DTNA: variants seen among roughly 807,000 people sequenced by gnomAD.
The protein encoded by DTNA is dystrobrevin alpha.
In DTNA, 43 loss-of-function variants were observed where a neutral mutation model predicts 100.7. That is an observed-to-expected ratio of 0.43 (90% CI 0.33 to 0.55). The LOEUF is 0.55. Ranked by LOEUF, DTNA falls within the 20% of genes least tolerant of loss-of-function variation. The probability of loss-of-function intolerance (pLI) is 0.04; values close to 1 mark genes in which losing one functional copy is unlikely to be tolerated. For synonymous variants in DTNA, 349 were observed against 347.9 expected, an observed-to-expected ratio of 1.00 and a Z score of -0.04; for missense variants, 798 against 953.9, an observed-to-expected ratio of 0.84 and a Z score of 2.15.
chr18:34,879,942 A>T (rs1469013841), intron 20 of DTNA, among the ~76,000 whole-genome samples: 3 of 152,176 alleles, frequency 2.0e-5, no homozygotes, highest in Admixed American at 1.3e-4. Context: ...TAAACCAACC[A>T]GTGCCTATCA....
At chr18:34,677,841 T>C (rs559582314) in intron 1 of DTNA, among the ~76,000 whole-genome samples, 8 of 152,248 alleles carry the variant, frequency 5.3e-5, no homozygotes, top group Non-Finnish European at 1.2e-4. Flanking sequence ...CACAGAACAG[T>C]GGTTAATTGT....
intron 1 of DTNA, among the ~76,000 whole-genome samples, chr18:34,641,071 T>C (rs2059222440): frequency 6.6e-6 from 1 of 152,120 alleles, no homozygotes; most frequent in African/African-American, 2.4e-5. Context: ...ATGTTGCTAC[T>C]AGTAAAAATA....
At chr18:34,835,352 C>T (rs779141874) in intron 11 of DTNA, among the ~76,000 whole-genome samples, 49 of 152,072 alleles carry the variant, frequency 3.2e-4, no homozygotes, top group Non-Finnish European at 5.7e-4. Flanking sequence ...GGGAAAGGAA[C>T]GGAAGATAAA....
chr18:34,705,991 A>G (rs2082061923), upstream of DTNA, among the ~76,000 whole-genome samples: 1 of 152,168 alleles, frequency 6.6e-6, no homozygotes, highest in African/African-American at 2.4e-5. Context: ...CTTGTTTCCC[A>G]GGCTAGAGTG....
intron 3 of DTNA, among the ~76,000 whole-genome samples, chr18:34,771,550 G>C (rs750708498): frequency 6.6e-6 from 1 of 152,040 alleles, no homozygotes; most frequent in Non-Finnish European, 1.5e-5. Context: ...GAGTCAAAGG[G>C]TTCTCCTTTC....
chr18:34,765,876 T>C, intron 2 of DTNA, 85 bp from the exon 3 acceptor site: 1 of 1,300,666 alleles, frequency 7.7e-7, no homozygotes. Flanking sequence ...GTAAGGATCA[T>C]ATCTACAGTT....
chr18:34,787,595 C>T (rs1209423715), intron 3 of DTNA, among the ~76,000 whole-genome samples: 1 of 152,108 alleles, frequency 6.6e-6, no homozygotes, highest in Admixed American at 6.5e-5. Flanking sequence ...CTAGGTTTGT[C>T]ATTTTAGCAC....
chr18:34,667,884 T>C (rs2076166965), intron 1 of DTNA, among the ~76,000 whole-genome samples: 1 of 152,210 alleles, frequency 6.6e-6, no homozygotes, highest in East Asian at 1.9e-4. Flanking sequence ...TCTAAAATTC[T>C]CTTTTTTTTG....
intron 1 of DTNA, among the ~76,000 whole-genome samples, chr18:34,605,240 G>A (rs556913003): frequency 5.9e-5 from 9 of 151,958 alleles, no homozygotes; most frequent in Non-Finnish European, 1.0e-4. Context: ...GGTGGTCTTT[G>A]AGGGTTTAGA....
At chr18:34,794,285 T>A (rs761774114) in intron 4 of DTNA, 35 bp downstream of exon 4, 1 of 1,613,040 alleles carries the variant, frequency 6.2e-7, no homozygotes, top group South Asian at 1.1e-5. Flanking sequence ...CCTCTCTACA[T>A]GTTTGGCTTT....
chr18:34,493,878 G>A (rs550623121), intron 1 of DTNA: 1 of 148,130 alleles, frequency 6.8e-6, no homozygotes, highest in South Asian at 2.1e-4. Flanking sequence ...GGCGCCGGCC[G>A]CGGCTAGCGC....
At chr18:34,620,395 A>G (rs1332893810) in intron 1 of DTNA, among the ~76,000 whole-genome samples, 1 of 152,254 alleles carries the variant, frequency 6.6e-6, no homozygotes, top group Non-Finnish European at 1.5e-5. Context: ...GAATACACAG[A>G]AAATAGAAGA....
At chr18:34,511,034 A>T (rs1429338906) in intron 1 of DTNA, among the ~76,000 whole-genome samples, 5 of 151,974 alleles carry the variant, frequency 3.3e-5, no homozygotes, top group Non-Finnish European at 4.4e-5. Context: ...CTCATTTATA[A>T]ATTCAGAACC....
intron 1 of DTNA, chr18:34,662,905 C>G (rs1309711290): frequency 6.6e-6 from 1 of 152,102 alleles, no homozygotes; most frequent in African/African-American, 2.4e-5. Flanking sequence ...GAGGTTAAAA[C>G]TATTTTAATA....
intron 1 of DTNA, among the ~76,000 whole-genome samples, chr18:34,510,367 A>G (rs924014711): frequency 6.6e-6 from 1 of 151,872 alleles, no homozygotes; most frequent in African/African-American, 2.4e-5. Context: ...ATGGTCATGA[A>G]AGGAGATGTG....
rs549721711 is a variant in DTNA, at chr18:34,763,318, C to T, written c.68-2643C>T. Among the ~76,000 whole-genome samples the T allele has an allele frequency of 6.2e-4, 95 of 152,208 alleles. No homozygotes were observed. In the South Asian group the frequency reaches 0.017, roughly 28 times the overall value. ...GGCATCTTAGAGAGCTCATTCCCCA[C>T]GAGTCACATTTACAGAGGGCATGAA... is the stretch of plus-strand genomic sequence containing the variant. On this transcript the variant is annotated intron_variant, in intron 2 of 22. Coordinates refer to ENST00000444659, the MANE Select transcript of DTNA (RefSeq NM_001386795.1).
chr18:34,888,860 C>CT lies in DTNA; in HGVS notation c.*1133dup. The CT allele has an allele frequency of 1.0e-6, 1 of 985,856 alleles. No homozygotes were observed. The highest frequency in any genetic ancestry group is 1.2e-6 in the Non-Finnish European group (1 of 829,944). 61.1% of individuals were successfully genotyped at this position (985,856 alleles called of 1,614,324 possible). On this transcript the variant is annotated 3_prime_UTR_variant, in exon 23 of 23. Coordinates refer to ENST00000444659, the MANE Select transcript of DTNA (RefSeq NM_001386795.1). ...AGTGCGCTTGCAAACGTTTGCTCTC[C>CT]TTTTTTTCTGAATGTTGATTGCCTT...
chr18:34,512,410 T>C (rs1384004850), intron 1 of DTNA, among the ~76,000 whole-genome samples: 1 of 152,064 alleles, frequency 6.6e-6, no homozygotes, highest in Non-Finnish European at 1.5e-5. Context: ...AACTATCAGA[T>C]TGTTAACTAC....
At chr18:34,784,997 G>T (rs993934936) in intron 3 of DTNA, among the ~76,000 whole-genome samples, 1 of 150,512 alleles carries the variant, frequency 6.6e-6, no homozygotes, top group Non-Finnish European at 1.5e-5. Flanking sequence ...GCAGTGGTGC[G>T]ATCTTGGCCC....
Sources: gnomAD v4.1 joint callset for allele counts (sites outside exome capture counted in the v4.1 genomes callset) on GRCh38, gnomAD v4.1.1 for gene constraint, MANE v1.5 for transcripts, NCBI Gene and HGNC (gene_info 2026-07-23, HGNC 2026-07-21) for gene names.